RBKS: variants seen among roughly 807,000 people sequenced by gnomAD.
RBKS encodes the protein ribokinase.
RBKS carries 33 observed loss-of-function variants against 33.9 expected under a neutral mutation model. The observed-to-expected ratio is 0.97, with a 90% CI of 0.74 to 1.30. RBKS has a LOEUF of 1.30. Among genes scored for constraint, RBKS ranks in the 50% most tolerant of loss-of-function variants. RBKS has a pLI of 0.00. For missense variants in RBKS, 361 were observed against 392.6 expected (o/e 0.92, Z 0.68); for synonymous variants, 125 against 143.0 (o/e 0.87, Z 0.90).
intron 2 of RBKS, among the ~76,000 whole-genome samples, chr2:27,857,895 T>A (rs556636561): frequency 6.6e-6 from 1 of 152,302 alleles, no homozygotes; most frequent in Admixed American, 6.5e-5. Context: ...GGTACTCAAG[T>A]AGATGTATAT....
rs995766554 is a variant in RBKS, at chr2:27,814,060, GA to G, written c.795+13506del. On this transcript the variant is annotated intron_variant, in intron 7 of 7. Coordinates refer to ENST00000302188, the MANE Select transcript of RBKS (RefSeq NM_022128.3). ...GCAACAAAGTGAGACGCCAGCTCTA[GA>G]AAAAAAAAAATCAGCTGGGCATAAT... 4.1e-3 allele frequency among the ~76,000 whole-genome samples: 596 copies of G among 146,088 alleles called. 1 individual carries two copies. Among genetic ancestry groups the G allele is most frequent in the African/African-American group, 0.013 (513 of 40,100 alleles).
intron 4 of RBKS, among the ~76,000 whole-genome samples, chr2:27,844,300 G>A (rs1286007161): frequency 6.6e-6 from 1 of 150,452 alleles, no homozygotes; most frequent in South Asian, 2.1e-4. Context: ...CTAGTCCACT[G>A]AGGTGTGCTT....
At chr2:27,825,286 T>G (rs1050963796) in intron 7 of RBKS, among the ~76,000 whole-genome samples, 1 of 152,248 alleles carries the variant, frequency 6.6e-6, no homozygotes, top group African/African-American at 2.4e-5. Context: ...CCATTTCTGG[T>G]TAAATCTAGA....
Position 27,795,464 on chromosome 2 carries a change from G to A in RBKS, c.796-13676C>T, listed in dbSNP as rs1249595105. Among the ~76,000 whole-genome samples the A allele has an allele frequency of 6.6e-6, 1 of 152,208 alleles. No homozygotes were observed. The highest frequency in any genetic ancestry group is 1.5e-5 in the Non-Finnish European group (1 of 68,044). On this transcript the variant is annotated intron_variant, in intron 7 of 7. Transcript: ENST00000302188. This position sits in a 1 kb window ranked among gnomAD's most constrained non-coding sequence, Gnocchi z 4.1. ...AAGGCCTTGTACTCTTTACAGAGGA[G>A]TGGAAGGGTAAGGAAGAGAGTGAAC...
intron 2 of RBKS, among the ~76,000 whole-genome samples, chr2:27,856,849 C>G (rs1174913432): frequency 6.6e-6 from 1 of 152,164 alleles, no homozygotes; most frequent in Non-Finnish European, 1.5e-5. Flanking sequence ...CGCTCCATAG[C>G]TAATCAGGTA....
intron 3 of RBKS, among the ~76,000 whole-genome samples, chr2:27,847,525 C>T (rs1663644622): frequency 6.6e-6 from 1 of 152,150 alleles, no homozygotes; most frequent in Non-Finnish European, 1.5e-5. Flanking sequence ...TCACCAAGAA[C>T]CAAGGTCTGG....
chr2:27,793,514 T>C (rs549566662), intron 7 of RBKS, among the ~76,000 whole-genome samples: 149 of 152,346 alleles, frequency 9.8e-4, no homozygotes, highest in African/African-American at 3.5e-3. Flanking sequence ...GTAGTATTCC[T>C]GCCTCAAATG....
At chr2:27,823,220 G>A (rs1211022449) in intron 7 of RBKS, among the ~76,000 whole-genome samples, 2 of 152,214 alleles carry the variant, frequency 1.3e-5, no homozygotes, top group African/African-American at 4.8e-5. Flanking sequence ...CTTCCAAACT[G>A]AGCTGAGGAC....
At chr2:27,854,351 A>G (rs1663809100) in intron 2 of RBKS, among the ~76,000 whole-genome samples, 1 of 152,186 alleles carries the variant, frequency 6.6e-6, no homozygotes, top group African/African-American at 2.4e-5. Flanking sequence ...TGGACTTTGA[A>G]CAGCACCACC....
chr2:27,821,659 T>G (rs1223680208), intron 7 of RBKS, among the ~76,000 whole-genome samples: 1 of 152,112 alleles, frequency 6.6e-6, no homozygotes, highest in Non-Finnish European at 1.5e-5. Context: ...AAGTGATTAG[T>G]GGAATAAAGG....
chr2:27,866,414 C>T (rs1476415731), intron 1 of RBKS, among the ~76,000 whole-genome samples: 2 of 152,078 alleles, frequency 1.3e-5, no homozygotes, highest in Non-Finnish European at 2.9e-5. Context: ...TCATGCTCAT[C>T]CTGCTGGATG....
chr2:27,842,307 G>A (rs1488047704), intron 5 of RBKS, among the ~76,000 whole-genome samples: 1 of 152,160 alleles, frequency 6.6e-6, no homozygotes, highest in African/African-American at 2.4e-5. Context: ...GTTGATAACT[G>A]GAAGCTGGGT....
At chr2:27,819,561 G>A (rs1257601651) in intron 7 of RBKS, among the ~76,000 whole-genome samples, 2 of 152,120 alleles carry the variant, frequency 1.3e-5, no homozygotes, top group African/African-American at 4.8e-5. Flanking sequence ...TAAACATGAG[G>A]CATCACCTAT....
rs1405609205 is a variant in RBKS, at chr2:27,810,022, CTT to C, written c.795+17543_795+17544del. 1.5e-6 allele frequency: 2 copies of C among 1,304,244 alleles called. No individual in the cohort carries two copies. Among genetic ancestry groups the C allele is most frequent in the African/African-American group, 3.0e-5 (2 of 65,978 alleles). The allele number at this position is 1,304,244 out of a possible 1,614,324, so 80.8% of individuals were successfully genotyped here. ...GCTTCTTCACACTTGCTGCTTCACTCTTGGGTCTTGAGCCAGGTCTACACTGT... is the reference window on the plus strand; with the variant it reads ...GCTTCTTCACACTTGCTGCTTCACTCGGGTCTTGAGCCAGGTCTACACTGT... On this transcript the variant is annotated intron_variant, in intron 7 of 7. Transcript: ENST00000302188. This position sits in a 1 kb window ranked among gnomAD's most constrained non-coding sequence, Gnocchi z 4.4.
chr2:27,839,814 TC>T (rs1663436220), intron 5 of RBKS, among the ~76,000 whole-genome samples: 2 of 152,058 alleles, frequency 1.3e-5, no homozygotes, highest in Non-Finnish European at 2.9e-5. Context: ...TTAAGCCCAC[TC>T]TGCTCTGGGA....
At chr2:27,841,965 T>C (rs1298166045) in intron 5 of RBKS, among the ~76,000 whole-genome samples, 1 of 152,132 alleles carries the variant, frequency 6.6e-6, no homozygotes, top group African/African-American at 2.4e-5. Flanking sequence ...AGAAGTGGAT[T>C]GAAGAGGAAA....
intron 2 of RBKS, among the ~76,000 whole-genome samples, chr2:27,849,291 G>A (rs958702016): frequency 2.6e-5 from 4 of 151,878 alleles, no homozygotes; most frequent in Non-Finnish European, 5.9e-5. Flanking sequence ...GGCTGGGTGC[G>A]GTGGCTCATG....
chr2:27,800,245 A>G (rs1573036943), intron 7 of RBKS, among the ~76,000 whole-genome samples: 1 of 151,862 alleles, frequency 6.6e-6, no homozygotes, highest in African/African-American at 2.4e-5. Context: ...AGAATGGTAA[A>G]TTCACTGTCT....
intron 7 of RBKS, among the ~76,000 whole-genome samples, chr2:27,804,959 C>A (rs904329665): frequency 2.6e-5 from 4 of 151,232 alleles, no homozygotes; most frequent in Non-Finnish European, 5.9e-5. Flanking sequence ...CCCAGGAAGT[C>A]GAGGCTGCAG....
Sources: gnomAD v4.1 joint callset for allele counts (sites outside exome capture counted in the v4.1 genomes callset) on GRCh38, gnomAD v4.1.1 for gene constraint, Gnocchi (gnomAD v3.1) non-coding constraint, MANE v1.5 for transcripts, NCBI Gene and HGNC (gene_info 2026-07-23, HGNC 2026-07-21) for gene names.